The following FZD5 variants were observed in gnomAD, a reference collection of about 807,000 sequenced individuals.
The protein encoded by FZD5 is frizzled class receptor 5.
FZD5 carries 12 observed loss-of-function variants against 40.8 expected under a neutral mutation model. The ratio of observed to expected loss-of-function variants is 0.29; its 90% confidence interval spans 0.19 to 0.48. FZD5 has a LOEUF of 0.48. FZD5 is among the 20% of genes least tolerant of loss of function. The probability of loss-of-function intolerance (pLI) is 0.99; values close to 1 mark genes in which losing one functional copy is unlikely to be tolerated. For synonymous variants in FZD5, 380 were observed against 383.7 expected (o/e 0.99, Z 0.11); for missense variants, 622 against 832.8 (o/e 0.75, Z 3.12).
chr2:207,765,552 T>G lies in FZD5; in HGVS notation c.*1430A>C, dbSNP rs539900967. ...ATTCTCTAATTGCAAAGTGTGTGTGTGTGTGATCATCAATATACAGGCTTT... is the reference window on the plus strand; with the variant it reads ...ATTCTCTAATTGCAAAGTGTGTGTGGGTGTGATCATCAATATACAGGCTTT... On this transcript the variant is annotated 3_prime_UTR_variant, in exon 2 of 2. Coordinates refer to ENST00000295417, the MANE Select transcript of FZD5 (RefSeq NM_003468.4). The G allele has an allele frequency of 1.5e-4, 23 of 152,570 alleles. No homozygotes were observed. In the East Asian group the frequency reaches 4.0e-3, roughly 27 times the overall value. 9.5% of individuals were successfully genotyped at this position (152,570 alleles called of 1,614,324 possible).
rs775506434 is a variant in FZD5, at chr2:207,767,711, G to T, written c.1029C>A (p.Ala343=). ...WVILSLTWFL[A]AGMKWGNEAI... ...CCTCGTTGCCCCACTTCATGCCGGC[G>T]GCCAGGAACCAGGTGAGCGACAGGA... The change falls in exon 2 of 2, where the codon GCC becomes GCA. Residue 343 remains alanine (A), a synonymous_variant. Coordinates refer to ENST00000295417, the MANE Select transcript of FZD5 (RefSeq NM_003468.4). 6.2e-7 allele frequency: 1 copy of T among 1,614,028 alleles called. No individual in the cohort carries two copies. The highest frequency in any genetic ancestry group is 1.1e-5 in the South Asian group (1 of 91,048).
At position 207,767,854 on chromosome 2, in the gene FZD5, C is replaced by T; in HGVS notation, c.886G>A (p.Val296Met). Residue 296 changes from valine to methionine, a missense_variant, in exon 2 of 2, where the codon GTG becomes ATG. By Grantham distance (21) the Val-to-Met change is conservative. Coordinates refer to ENST00000295417, the MANE Select transcript of FZD5 (RefSeq NM_003468.4). Reference protein sequence around the residue: ...LVRLVVGHASVACSREHNHIH... With the variant: ...LVRLVVGHASMACSREHNHIH... ...TGGTTGTGCTCGCGGCTGCAGGCCA[C>T]GCTGGCATGGCCCACGACCAGACGC... is the stretch of plus-strand genomic sequence containing the variant. 1 of 1,599,586 alleles carries T rather than the reference C, an allele frequency of 6.3e-7. No homozygotes were observed. The highest frequency in any genetic ancestry group is 8.5e-7 in the Non-Finnish European group (1 of 1,173,338).
rs1309664429 is a variant in FZD5, at chr2:207,768,424, G to T, written c.316C>A (p.Arg106Ser). The T allele has an allele frequency of 1.2e-6, 2 of 1,608,868 alleles. No homozygotes were observed. ...PDYHKPLPPCRSVCERAKAGC... is the reference protein window; with the variant it reads ...PDYHKPLPPCSSVCERAKAGC... ...GCCTTGGCGCGCTCGCACACCGAGCGGCAGGGCGGCAGCGGCTTGTGGTAG... is the reference window on the plus strand; with the variant it reads ...GCCTTGGCGCGCTCGCACACCGAGCTGCAGGGCGGCAGCGGCTTGTGGTAG... The change falls in exon 2 of 2, where the codon CGC becomes AGC. Residue 106 changes from arginine (R) to serine (S), a missense_variant. Transcript: ENST00000295417.
chr2:207,768,796 A>G lies in FZD5; in HGVS notation c.-57T>C. The G allele has an allele frequency of 2.9e-6, 4 of 1,359,228 alleles. No individual in the cohort carries two copies. The highest frequency in any genetic ancestry group is 3.9e-6 in the Non-Finnish European group (4 of 1,013,190). The allele number at this position is 1,359,228 out of a possible 1,614,324, so 84.2% of individuals were successfully genotyped here. A position where few individuals can be genotyped will look rare whatever the true frequency, so the allele number is the denominator to read the frequency against. On this transcript the variant is annotated 5_prime_UTR_variant, in exon 2 of 2. Transcript: ENST00000295417. ...CGCGAGGGACGCACACAGGCAGAGGAATCCGGGCCGGGGCTTCTCCCTCCG... is the reference window on the plus strand; with the variant it reads ...CGCGAGGGACGCACACAGGCAGAGGGATCCGGGCCGGGGCTTCTCCCTCCG...
rs1416315061 is a variant in FZD5 at position 207,769,903 on chromosome 2, C to G, written c.-894G>C. Among the ~76,000 whole-genome samples the G allele has an allele frequency of 2.6e-5, 4 of 152,054 alleles. No homozygotes were observed. The highest frequency in any genetic ancestry group is 5.9e-5 in the Non-Finnish European group (4 of 67,966). On this transcript the variant is annotated 5_prime_UTR_variant, in exon 1 of 2. Coordinates refer to ENST00000295417, the MANE Select transcript of FZD5 (RefSeq NM_003468.4). ...GACTCACGGCCGCAGGCTGGCTGCC[C>G]TCTCCCGCCCCGCCCGGGTCACCTG... is the stretch of plus-strand genomic sequence containing the variant.
In FZD5 at chr2:207,768,896, A is replaced by C; in HGVS notation, c.-157T>G. On this transcript the variant is annotated 5_prime_UTR_variant, in exon 2 of 2. Transcript: ENST00000295417. ...TTTAAAGAAAACCGTCCAAAGATAA[A>C]CTGCTTCGGGAAGGCGCTGCCTCCG... 3.0e-5 allele frequency: 19 copies of C among 625,118 alleles called. No homozygotes were observed. The highest frequency in any genetic ancestry group is 4.1e-5 in the South Asian group (2 of 49,050). The allele number at this position is 625,118 out of a possible 1,614,324, so 38.7% of individuals were successfully genotyped here.
At position 207,768,870 on chromosome 2, in the gene FZD5, C is replaced by T. The variant is rs2091996391; in HGVS notation, c.-131G>A. ...CTGGCAACCTGTTGGTTGCTTTTTC[C>T]TTTAAAGAAAACCGTCCAAAGATAA... On this transcript the variant is annotated 5_prime_UTR_variant, in exon 2 of 2. Transcript: ENST00000295417. 2.7e-6 allele frequency: 2 copies of T among 736,150 alleles called. No homozygotes were observed. The highest frequency in any genetic ancestry group is 1.9e-5 in the South Asian group (1 of 52,330). The allele number at this position is 736,150 out of a possible 1,614,324, so 45.6% of individuals were successfully genotyped here.
rs1315471273 is a variant in FZD5, at chr2:207,768,008, C to T, written c.732G>A (p.Val244=). The change falls in exon 2 of 2, where the codon GTG becomes GTA. Residue 244 remains valine, a synonymous_variant. Transcript: ENST00000295417. ...FATFWIGLWS[V]LCFISTSTTV... is the part of the protein sequence containing the mutation. The stretch of plus-strand genomic sequence containing the variant: ...TGGTGGACGTGGAGATGAAGCACAG[C>T]ACCGACCACAGGCCTATCCAGAAGG... 1.2e-6 allele frequency: 2 copies of T among 1,610,732 alleles called. No homozygotes were observed. Among genetic ancestry groups the T allele is most frequent in the Admixed American group, 3.4e-5 (2 of 59,504 alleles).
chr2:207,767,280 G>T lies in FZD5; in HGVS notation c.1460C>A (p.Pro487Gln). The part of the protein sequence containing the change: ...SWEAALTCAC[P>Q]GHDTGQPRAK... ...GCGCGGCTGGCCGGTGTCGTGGCCC[G>T]GGCAGGCGCAGGTGAGCGCCGCCTC... The change falls in exon 2 of 2, where the codon CCG becomes CAG. Residue 487 changes from proline (P) to glutamine (Q), a missense_variant. Coordinates refer to ENST00000295417, the MANE Select transcript of FZD5 (RefSeq NM_003468.4). The T allele has an allele frequency of 1.2e-6, 2 of 1,610,940 alleles. No individual in the cohort carries two copies. The highest frequency in any genetic ancestry group is 2.2e-5 in the East Asian group (1 of 44,756).
At position 207,768,584 on chromosome 2, in the gene FZD5, G is replaced by A; in HGVS notation, c.156C>T (p.Pro52=). The change falls in exon 2 of 2, where the codon CCC becomes CCT. Residue 52 remains proline, a synonymous_variant. Transcript: ENST00000295417. ...RGIGYNLTHM[P]NQFNHDTQDE... is the part of the protein sequence containing the mutation. ...CCTGCGTGTCGTGGTTGAACTGGTTGGGCATGTGCGTCAGGTTGTAGCCGA... is the reference window on the plus strand; with the variant it reads ...CCTGCGTGTCGTGGTTGAACTGGTTAGGCATGTGCGTCAGGTTGTAGCCGA... The A allele has an allele frequency of 1.2e-6, 2 of 1,613,994 alleles. No individual in the cohort carries two copies. The highest frequency in any genetic ancestry group is 1.7e-6 in the Non-Finnish European group (2 of 1,179,894).
At position 207,765,191 on chromosome 2, in the gene FZD5, T is replaced by C. The variant is rs575634986; in HGVS notation, c.*1791A>G. 3.3e-5 allele frequency: 5 copies of C among 152,332 alleles called. No homozygotes were observed. The highest frequency in any genetic ancestry group is 1.2e-4 in the African/African-American group (5 of 41,570). 9.4% of individuals were successfully genotyped at this position (152,332 alleles called of 1,614,324 possible). A position where few individuals can be genotyped will look rare whatever the true frequency, so the allele number is the denominator to read the frequency against. On this transcript the variant is annotated 3_prime_UTR_variant, in exon 2 of 2. Transcript: ENST00000295417. ...CCATGAAGTAAAAATTGTCCTAGGC[T>C]TAAATTTTACTTTTCCAACTTTGGT...
In FZD5 at chr2:207,763,200, T is replaced by C. The variant is rs1012436563; in HGVS notation, c.*3782A>G. On this transcript the variant is annotated 3_prime_UTR_variant, in exon 2 of 2. Coordinates refer to ENST00000295417, the MANE Select transcript of FZD5 (RefSeq NM_003468.4). ...ATATATATATAATATATATTATGTA[T>C]ATATACAACCCACAAAACATACATA... is the stretch of plus-strand genomic sequence containing the variant. 1 of 152,238 alleles carries C rather than the reference T, an allele frequency of 6.6e-6. No individual in the cohort carries two copies. The highest frequency in any genetic ancestry group is 2.4e-5 in the African/African-American group (1 of 41,330). 9.4% of individuals were successfully genotyped at this position (152,238 alleles called of 1,614,324 possible). A position where few individuals can be genotyped will look rare whatever the true frequency, so the allele number is the denominator to read the frequency against.
In FZD5 at chr2:207,766,046, T is replaced by G. The variant is rs905611299; in HGVS notation, c.*936A>C. On this transcript the variant is annotated 3_prime_UTR_variant, in exon 2 of 2. Transcript: ENST00000295417. Reference sequence around the variant, plus strand: ...TCCAGAGGGAGTGGGTTTATACTTTTACCAAAATTATAACACAAGTTCCTT... The same window carrying G: ...TCCAGAGGGAGTGGGTTTATACTTTGACCAAAATTATAACACAAGTTCCTT... 3 of 145,812 alleles carry G rather than the reference T, an allele frequency of 2.1e-5. No individual in the cohort carries two copies. Among genetic ancestry groups the G allele is most frequent in the African/African-American group, 7.8e-5 (3 of 38,640 alleles). The allele number at this position is 145,812 out of a possible 1,614,324, so 9.0% of individuals were successfully genotyped here. A position where few individuals can be genotyped will look rare whatever the true frequency, so the allele number is the denominator to read the frequency against.
Position 207,766,133 on chromosome 2 carries a change from T to C in FZD5, c.*849A>G, listed in dbSNP as rs1233502435. 1 of 137,348 alleles carries C rather than the reference T, an allele frequency of 7.3e-6. No homozygotes were observed. Among genetic ancestry groups the C allele is most frequent in the Non-Finnish European group, 1.5e-5 (1 of 64,932 alleles). 8.5% of individuals were successfully genotyped at this position (137,348 alleles called of 1,614,324 possible). On this transcript the variant is annotated 3_prime_UTR_variant, in exon 2 of 2. Transcript: ENST00000295417. The stretch of plus-strand genomic sequence containing the variant: ...AAGCTTAAGAACCACCCACTACCTC[T>C]CAGGCACAAAGCTGCCATCTCACCA...
rs2105850682 is a variant in FZD5, at chr2:207,766,322, C to G, written c.*660G>C. The G allele has an allele frequency of 6.6e-6, 1 of 152,376 alleles. No individual in the cohort carries two copies. The allele number at this position is 152,376 out of a possible 1,614,324, so 9.4% of individuals were successfully genotyped here. ...GCACTACAGAAAAGAAACTGAACCT[C>G]CCTCTATAAACAAAGCTAAGGCTGA... is the stretch of plus-strand genomic sequence containing the variant. On this transcript the variant is annotated 3_prime_UTR_variant, in exon 2 of 2. Coordinates refer to ENST00000295417, the MANE Select transcript of FZD5 (RefSeq NM_003468.4).
Position 207,765,937 on chromosome 2 carries a change from T to G in FZD5, c.*1045A>C, listed in dbSNP as rs1171346031. ...GGGAGGGGGTGGAGCAAATAAGTGT[T>G]GGAAATTTACTTATTAGAAGTATAT... On this transcript the variant is annotated 3_prime_UTR_variant, in exon 2 of 2. Coordinates refer to ENST00000295417, the MANE Select transcript of FZD5 (RefSeq NM_003468.4). The G allele has an allele frequency of 2.0e-5, 3 of 151,966 alleles. No homozygotes were observed. The highest frequency in any genetic ancestry group is 4.4e-5 in the Non-Finnish European group (3 of 67,996). The allele number at this position is 151,966 out of a possible 1,614,324, so 9.4% of individuals were successfully genotyped here. A position where few individuals can be genotyped will look rare whatever the true frequency, so the allele number is the denominator to read the frequency against.
rs907325367 is a variant in FZD5, at chr2:207,767,608, G to C, written c.1132C>G (p.Leu378Val). ...PSVKSITALA[L>V]SSVDGDPVAG... Reference sequence around the variant, plus strand: ...ACTGGGTCCCCGTCCACGGAGCTCAGCGCCAGTGCCGTGATGGACTTGACG... The same window carrying C: ...ACTGGGTCCCCGTCCACGGAGCTCACCGCCAGTGCCGTGATGGACTTGACG... The change falls in exon 2 of 2, where the codon CTG (leucine) becomes GTG (valine). Residue 378 changes from leucine to valine, a missense_variant. Physicochemically the swap from Leu to Val is conservative, Grantham distance 32. Coordinates refer to ENST00000295417, the MANE Select transcript of FZD5 (RefSeq NM_003468.4). 6.2e-7 allele frequency: 1 copy of C among 1,612,716 alleles called. No homozygotes were observed. Among genetic ancestry groups the C allele is most frequent in the East Asian group, 2.2e-5 (1 of 44,884 alleles).
rs1220338519 is a variant in FZD5, at chr2:207,764,656, A to AC, written c.*2325_*2326insG. ...CAGCATGTTGCTAAAACAAAACAAA[A>AC]AAAAATTCTAAAAATGAATTAAATC... On this transcript the variant is annotated 3_prime_UTR_variant, in exon 2 of 2. Transcript: ENST00000295417. 1.1e-4 allele frequency: 16 copies of AC among 152,366 alleles called. No homozygotes were observed. The highest frequency in any genetic ancestry group is 1.5e-4 in the Non-Finnish European group (10 of 68,042). The allele number at this position is 152,366 out of a possible 1,614,324, so 9.4% of individuals were successfully genotyped here.
rs749376285 is a variant in FZD5, at chr2:207,763,957, A to G, written c.*3025T>C. Reference sequence around the variant, plus strand: ...GCAATGGTCATGAGAAAATATGAGAAAGGTTTGCAAGGAAAACCAATAAGG... The same window carrying G: ...GCAATGGTCATGAGAAAATATGAGAGAGGTTTGCAAGGAAAACCAATAAGG... On this transcript the variant is annotated 3_prime_UTR_variant, in exon 2 of 2. Transcript: ENST00000295417. 5.2e-5 allele frequency: 8 copies of G among 152,646 alleles called. No homozygotes were observed. The highest frequency in any genetic ancestry group is 4.4e-5 in the Non-Finnish European group (3 of 68,042). 9.5% of individuals were successfully genotyped at this position (152,646 alleles called of 1,614,324 possible). A position where few individuals can be genotyped will look rare whatever the true frequency, so the allele number is the denominator to read the frequency against.
Sources: allele counts gnomAD v4.1 joint callset (sites outside exome capture counted in the v4.1 genomes callset), GRCh38; gene constraint gnomAD v4.1.1; transcripts MANE v1.5; gene names NCBI Gene and HGNC (gene_info 2026-07-23, HGNC 2026-07-21).